Variants in SCAF8 observed in about 807,000 individuals in gnomAD.
SCAF8 encodes SR-related CTD associated factor 8, also known as SR-related and CTD-associated factor 8.
Under a neutral mutation model 140.5 loss-of-function variants are expected in SCAF8, and 23 were observed. That is an observed-to-expected ratio of 0.16 (90% confidence interval 0.12 to 0.23). SCAF8 has a LOEUF of 0.23. Ranked by LOEUF, SCAF8 falls within the 10% of genes least tolerant of loss-of-function variation. The pLI, the probability that SCAF8 is intolerant of heterozygous loss-of-function variation, is 1.00. For synonymous variants in SCAF8, 575 were observed against 528.9 expected, an observed-to-expected ratio of 1.09 and a Z score of -1.20; for missense variants, 1,397 against 1,555.7, an observed-to-expected ratio of 0.90 and a Z score of 1.72.
chr6:154,742,120 G>A, intron 1 of SCAF8: 1 of 746,092 alleles, frequency 1.3e-6, no homozygotes, highest in South Asian at 1.6e-5. Flanking sequence ...TACTTGGGAA[G>A]CAGAATGAAG....
chr6:154,770,388 A>ACTCTCTCTCTCT (rs58596375), intron 1 of SCAF8, among the ~76,000 whole-genome samples: 3 of 141,918 alleles, frequency 2.1e-5, no homozygotes, highest in Non-Finnish European at 4.6e-5. Context: ...ACACACACAC[A>ACTCTCTCTCTCT]CTCTCTCTCT....
chr6:154,783,166 A>G (rs1777133624), intron 3 of SCAF8, among the ~76,000 whole-genome samples: 1 of 152,186 alleles, frequency 6.6e-6, no homozygotes, highest in African/African-American at 2.4e-5. Context: ...CAAAAATGAA[A>G]TCCTCAGCTC....
intron 4 of SCAF8, among the ~76,000 whole-genome samples, chr6:154,789,430 T>C (rs1777347794): frequency 6.6e-6 from 1 of 152,110 alleles, no homozygotes; most frequent in Admixed American, 6.6e-5. Flanking sequence ...TTTATTATGC[T>C]GTATTCTTTG....
intron 3 of SCAF8, among the ~76,000 whole-genome samples, chr6:154,784,138 TATATATATATATATATA>T (rs1777174259): frequency 2.3e-5 from 2 of 86,474 alleles, no homozygotes; most frequent in Admixed American, 1.1e-4. Flanking sequence ...TATATATATA[TATATATATATATATATA>T]TATTTATTTA....
intron 1 of SCAF8, among the ~76,000 whole-genome samples, chr6:154,736,754 C>G (rs1231361376): frequency 6.6e-6 from 1 of 152,138 alleles, no homozygotes; most frequent in East Asian, 1.9e-4. Flanking sequence ...TCTCATTTTA[C>G]AGGAACTTGA....
chr6:154,787,737 T>G (rs926289137), intron 3 of SCAF8, 124 bp from the exon 4 acceptor site: 1 of 720,054 alleles, frequency 1.4e-6, no homozygotes, highest in Non-Finnish European at 2.2e-6. Context: ...AGTCAATGTA[T>G]GAATATTCAT....
chr6:154,761,145 A>G (rs942427176), intron 1 of SCAF8, among the ~76,000 whole-genome samples: 2 of 152,022 alleles, frequency 1.3e-5, no homozygotes, highest in Non-Finnish European at 2.9e-5. Context: ...TACATTTGAT[A>G]GTGAGTTATT....
At chr6:154,741,858 C>T (rs572540761) in intron 1 of SCAF8, 231 of 742,616 alleles carry the variant, frequency 3.1e-4, no homozygotes, top group Middle Eastern at 1.9e-3. Context: ...ATGTAATCAA[C>T]CTTGACCTTG....
intron 9 of SCAF8, among the ~76,000 whole-genome samples, chr6:154,806,470 A>G (rs1003912429): frequency 6.6e-6 from 1 of 152,204 alleles, no homozygotes; most frequent in East Asian, 1.9e-4. Flanking sequence ...CAAGTGTTAC[A>G]TACAGAGATG....
chr6:154,790,667 C>T (rs1024865559), intron 4 of SCAF8, among the ~76,000 whole-genome samples: 9 of 151,680 alleles, frequency 5.9e-5, no homozygotes, highest in South Asian at 2.1e-4. Flanking sequence ...CCCACCACCA[C>T]GCCTGGCTAA....
In SCAF8 at chr6:154,774,294, T is replaced by C. The variant is rs190842136; in HGVS notation, c.114+222T>C. Among the ~76,000 whole-genome samples the C allele has an allele frequency of 4.6e-5, 7 of 152,258 alleles. No homozygotes were observed. The East Asian group carries it at 1.2e-3, about 25-fold the overall frequency. ...ACTCTTTTTTAGAGACAATGTCTTA[T>C]TCTGTCACCCAGGCTGGACTGCAGT... On this transcript the variant is annotated intron_variant, in intron 2 of 19. Transcript: ENST00000367178.
intron 1 of SCAF8, chr6:154,741,830 TC>T (rs1778578584): frequency 1.6e-6 from 1 of 622,414 alleles, no homozygotes; most frequent in Non-Finnish European, 2.9e-6. Context: ...AACTTCTAAC[TC>T]ATAATGGTGT....
chr6:154,768,899 CTA>C (rs988226376), intron 1 of SCAF8, among the ~76,000 whole-genome samples: 5 of 152,120 alleles, frequency 3.3e-5, no homozygotes, highest in African/African-American at 1.2e-4. Flanking sequence ...CCTGTCTCTA[CTA>C]AAAATACAAA....
chr6:154,803,740 CATT>C lies in SCAF8; in HGVS notation c.863+120_863+122del, dbSNP rs1043633625. The C allele has an allele frequency of 1.4e-5, 9 of 657,610 alleles. No homozygotes were observed. The African/African-American group carries it at 1.5e-4, about 11-fold the overall frequency. The allele number at this position is 657,610 out of a possible 1,614,324, so 40.7% of individuals were successfully genotyped here. On this transcript the variant is annotated intron_variant, in intron 8 of 19. Transcript: ENST00000367178. ...TTATTTCAAGCTGTTGAACCTCTAA[CATT>C]ATACAAAGGTGGTAGAGATATGTCT...
chr6:154,792,428 A>G (rs562916005), intron 4 of SCAF8, among the ~76,000 whole-genome samples: 7 of 152,224 alleles, frequency 4.6e-5, no homozygotes, highest in Non-Finnish European at 7.3e-5. Flanking sequence ...AAAGATAGAC[A>G]TTGTGTGAGA....
chr6:154,750,390 G>C (rs1405201902), intron 1 of SCAF8, among the ~76,000 whole-genome samples: 2 of 152,098 alleles, frequency 1.3e-5, no homozygotes, highest in South Asian at 4.1e-4. Flanking sequence ...GATAATGTAG[G>C]GAAAGAAGAG....
At chr6:154,740,600 A>G (rs1582991584) in intron 1 of SCAF8, among the ~76,000 whole-genome samples, 1 of 150,828 alleles carries the variant, frequency 6.6e-6, no homozygotes, top group East Asian at 2.0e-4. Flanking sequence ...TGTGAAGTAA[A>G]GATTTTCTTT....
At chr6:154,754,443 G>A (rs1387097398) in intron 1 of SCAF8, among the ~76,000 whole-genome samples, 1 of 152,164 alleles carries the variant, frequency 6.6e-6, no homozygotes, top group East Asian at 1.9e-4. Context: ...CCTAGGTAGT[G>A]AGAAGAACTG....
chr6:154,770,469 G>A (rs897258125), intron 1 of SCAF8, among the ~76,000 whole-genome samples: 7 of 151,544 alleles, frequency 4.6e-5, no homozygotes, highest in Non-Finnish European at 7.4e-5. Context: ...TACTTGAGAG[G>A]TTGAGGTAGG....
Sources: allele counts gnomAD v4.1 joint callset (sites outside exome capture counted in the v4.1 genomes callset), GRCh38; gene constraint gnomAD v4.1.1; transcripts MANE v1.5; gene names NCBI Gene and HGNC (gene_info 2026-07-23, HGNC 2026-07-21).